ASIC2: variants seen among roughly 807,000 people sequenced by gnomAD.
The protein encoded by ASIC2 is acid sensing ion channel subunit 2.
A neutral mutation model predicts 57.3 loss-of-function variants in ASIC2; 25 were observed. The ratio of observed to expected loss-of-function variants is 0.44; its 90% CI spans 0.32 to 0.61. The LOEUF (loss-of-function observed/expected upper bound fraction) is 0.61. Among genes scored for constraint, ASIC2 ranks in the 20% least tolerant of loss-of-function variants. ASIC2 has a pLI of 0.06. For missense variants in ASIC2, 641 were observed against 738.1 expected, an observed-to-expected ratio of 0.87 and a Z score of 1.52; for synonymous variants, 319 against 307.5, an observed-to-expected ratio of 1.04 and a Z score of -0.39.
At chr17:33,921,256 C>T (rs1036562408) in intron 1 of ASIC2, among the ~76,000 whole-genome samples, 1 of 152,048 alleles carries the variant, frequency 6.6e-6, no homozygotes, top group Non-Finnish European at 1.5e-5. Flanking sequence ...CTTAGCCTCA[C>T]CTATAAAACC....
At chr17:33,579,681 A>G (rs1366290212) in intron 1 of ASIC2, among the ~76,000 whole-genome samples, 1 of 152,156 alleles carries the variant, frequency 6.6e-6, no homozygotes, top group Non-Finnish European at 1.5e-5. Context: ...AGACTTCTAG[A>G]GTGAAGCTAC....
intron 1 of ASIC2, among the ~76,000 whole-genome samples, chr17:33,459,065 G>A (rs929805444): frequency 1.3e-5 from 2 of 151,750 alleles, no homozygotes; most frequent in African/African-American, 2.4e-5. Flanking sequence ...TCTGGTGACC[G>A]CATTACCTTC....
intron 1 of ASIC2, among the ~76,000 whole-genome samples, chr17:33,724,244 C>T (rs1283605421): frequency 1.3e-5 from 2 of 152,156 alleles, no homozygotes; most frequent in Non-Finnish European, 2.9e-5. Flanking sequence ...ACTGTGAATC[C>T]ATTAAACCTC....
chr17:33,422,060 C>A (rs747788159), intron 1 of ASIC2, among the ~76,000 whole-genome samples: 2 of 152,238 alleles, frequency 1.3e-5, no homozygotes, highest in Non-Finnish European at 2.9e-5. Context: ...AGCACTTCAA[C>A]ATCTTTCTTA....
chr17:33,368,280 T>G (rs1303463601), intron 1 of ASIC2, among the ~76,000 whole-genome samples: 8 of 152,202 alleles, frequency 5.3e-5, no homozygotes. Context: ...ACCCTAAAGC[T>G]GCCATGTTGG....
intron 1 of ASIC2, among the ~76,000 whole-genome samples, chr17:33,714,417 C>A (rs1909146213): frequency 6.6e-6 from 1 of 152,110 alleles, no homozygotes; most frequent in South Asian, 2.1e-4. Context: ...GAATATTATA[C>A]AGCAATTAAA....
chr17:34,066,078 G>T (rs879910237), intron 1 of ASIC2, among the ~76,000 whole-genome samples: 2 of 152,122 alleles, frequency 1.3e-5, no homozygotes, highest in African/African-American at 2.4e-5. Flanking sequence ...GAGACCAGGG[G>T]CCTGAGTCTC....
intron 1 of ASIC2, among the ~76,000 whole-genome samples, chr17:33,594,996 T>C (rs2347552): frequency 0.62 from 93,574 of 151,850 alleles, 30,665 homozygotes; most frequent in African/African-American, 0.86. Context: ...CCAGGTGGGA[T>C]GATCACTTGA....
intron 1 of ASIC2, among the ~76,000 whole-genome samples, chr17:33,339,661 G>T (rs1029947034): frequency 6.6e-6 from 1 of 152,208 alleles, no homozygotes; most frequent in Admixed American, 6.5e-5. Flanking sequence ...ATGCCAGGCA[G>T]TGCCTTCTAA....
intron 1 of ASIC2, among the ~76,000 whole-genome samples, chr17:33,218,084 C>T (rs1597635337): frequency 6.6e-6 from 1 of 152,326 alleles, no homozygotes; most frequent in East Asian, 1.9e-4. Context: ...GTCTTCTTTG[C>T]TACGTAATGC....
chr17:33,442,587 C>T (rs1429437833), intron 1 of ASIC2, among the ~76,000 whole-genome samples: 1 of 152,038 alleles, frequency 6.6e-6, no homozygotes, highest in Non-Finnish European at 1.5e-5. Flanking sequence ...TATAGACATA[C>T]AATTTATTTT....
intron 1 of ASIC2, among the ~76,000 whole-genome samples, chr17:34,030,822 T>C (rs1042180515): frequency 2.6e-5 from 4 of 152,178 alleles, no homozygotes; most frequent in Non-Finnish European, 5.9e-5. Flanking sequence ...GCACCCGCAA[T>C]TGCCCAGTTA....
At chr17:33,130,991 A>T (rs141732491) in intron 1 of ASIC2, among the ~76,000 whole-genome samples, 1 of 152,292 alleles carries the variant, frequency 6.6e-6, no homozygotes, top group Non-Finnish European at 1.5e-5. Context: ...AAACTCTATG[A>T]GCCTCAGTGT....
At chr17:33,194,091 C>T (rs1233881117) in intron 1 of ASIC2, among the ~76,000 whole-genome samples, 8 of 152,200 alleles carry the variant, frequency 5.3e-5, no homozygotes, top group African/African-American at 1.9e-4. Context: ...ACCATCCATG[C>T]TCATCTGCCA....
chr17:33,017,527 C>G, intron 8 of ASIC2, 78 bp downstream of exon 8: 1 of 1,256,904 alleles, frequency 8.0e-7, no homozygotes, highest in South Asian at 1.3e-5. Context: ...CGCCTTCCCT[C>G]TACTATGATT....
At chr17:33,668,272 CTTTTTTTTTTT>C (rs397856474) in intron 1 of ASIC2, among the ~76,000 whole-genome samples, 58 of 61,420 alleles carry the variant, frequency 9.4e-4, no homozygotes, top group Non-Finnish European at 1.9e-3. Flanking sequence ...ATCAAATGTT[CTTTTTTTTTTT>C]TTTTTTTTTT....
At chr17:33,965,684 A>G (rs1905055317) in intron 1 of ASIC2, among the ~76,000 whole-genome samples, 1 of 152,240 alleles carries the variant, frequency 6.6e-6, no homozygotes, top group African/African-American at 2.4e-5. Context: ...CAAGTAACAT[A>G]TCATAGATCA....
chr17:34,089,853 G>A (rs1447879965), intron 1 of ASIC2, among the ~76,000 whole-genome samples: 5 of 152,286 alleles, frequency 3.3e-5, no homozygotes, highest in Non-Finnish European at 7.3e-5. Flanking sequence ...CTGTGCCACT[G>A]TTTCAGACAG....
At chr17:34,019,443 CTTATT>C (rs1184589010) in intron 1 of ASIC2, among the ~76,000 whole-genome samples, 1 of 152,112 alleles carries the variant, frequency 6.6e-6, no homozygotes, top group Non-Finnish European at 1.5e-5. Context: ...TCAGTGTTGT[CTTATT>C]TTAAGAAATC....
Sources: allele counts gnomAD v4.1 joint callset (sites outside exome capture counted in the v4.1 genomes callset), GRCh38; gene constraint gnomAD v4.1.1; transcripts MANE v1.5; gene names NCBI Gene and HGNC (gene_info 2026-07-23, HGNC 2026-07-21).